CAST: variants seen among roughly 807,000 people sequenced by gnomAD.
CAST encodes the protein calpastatin.
Under a neutral mutation model 119.6 loss-of-function variants are expected in CAST, and 76 were observed. The observed-to-expected ratio is 0.64, with a 90% CI of 0.53 to 0.77. The LOEUF is 0.77. Ranked by LOEUF, CAST falls within the 30% of genes least tolerant of loss-of-function variation. The pLI is 0.00. For synonymous variants in CAST, 319 were observed against 331.6 expected (o/e 0.96, Z 0.41); for missense variants, 953 against 946.5 (o/e 1.01, Z -0.09).
chr5:96,642,175 A>G (rs2150203534), intron 1 of CAST, among the ~76,000 whole-genome samples: 2 of 152,276 alleles, frequency 1.3e-5, no homozygotes, highest in Admixed American at 1.3e-4. Context: ...CAATGATACA[A>G]TTCTTCTCTT....
At chr5:96,468,681 G>T in the CAST span, among the ~76,000 whole-genome samples, 1 of 152,102 alleles carries the variant, frequency 6.6e-6, no homozygotes, top group East Asian at 1.9e-4. Context: ...TAGCTAATTT[G>T]AATATGTAGT....
At chr5:95,981,764 A>G in the CAST span, among the ~76,000 whole-genome samples, 1 of 152,116 alleles carries the variant, frequency 6.6e-6, no homozygotes. Flanking sequence ...AGTCCCAGCT[A>G]CTCAGGAGGC....
intron 1 of CAST, chr5:96,545,248 G>T (rs1280597978): frequency 6.6e-6 from 1 of 152,038 alleles, no homozygotes; most frequent in African/African-American, 2.4e-5. Context: ...ACTCTATCTT[G>T]GTTGGAAGCA....
chr5:96,416,598 C>T, the CAST span, among the ~76,000 whole-genome samples: 730 of 152,256 alleles, frequency 4.8e-3, 9 homozygotes, highest in African/African-American at 0.017. Context: ...CCTTGATCAG[C>T]CTTAGTAGGA....
the CAST span, among the ~76,000 whole-genome samples, chr5:96,119,162 G>A: frequency 9.7e-4 from 147 of 152,232 alleles, no homozygotes; most frequent in African/African-American, 3.3e-3. Context: ...ATTGGAAATA[G>A]ACAAAAGAAG....
At chr5:96,214,861 T>C in the CAST span, 3 of 152,190 alleles carry the variant, frequency 2.0e-5, no homozygotes, top group Admixed American at 1.3e-4. Flanking sequence ...AAAAGTCTTT[T>C]GCTTACATTT....
intron 19 of CAST, 39 bp from the exon 20 acceptor site, chr5:96,750,548 A>T: frequency 7.5e-7 from 1 of 1,339,550 alleles, no homozygotes; most frequent in Non-Finnish European, 1.1e-6. Flanking sequence ...TTAACCAAAT[A>T]TTTCTAAACT....
chr5:96,698,661 C>G (rs1753567677), intron 3 of CAST, among the ~76,000 whole-genome samples: 1 of 152,094 alleles, frequency 6.6e-6, no homozygotes, highest in South Asian at 2.1e-4. Flanking sequence ...TTTAGAAAAG[C>G]TGGGGGTAAT....
At chr5:96,145,753 A>G in the CAST span, among the ~76,000 whole-genome samples, 3 of 152,190 alleles carry the variant, frequency 2.0e-5, no homozygotes, top group African/African-American at 4.8e-5. Context: ...GTTTAAAACA[A>G]TAGCCATTTT....
At chr5:96,520,049 A>G in the CAST span, among the ~76,000 whole-genome samples, 1 of 152,164 alleles carries the variant, frequency 6.6e-6, no homozygotes, top group Non-Finnish European at 1.5e-5. Flanking sequence ...CTCCCATAAT[A>G]TCCTCAACAA....
the CAST span, chr5:96,423,487 A>G: frequency 1.2e-6 from 2 of 1,611,664 alleles, no homozygotes; most frequent in Non-Finnish European, 1.7e-6. Context: ...CGAAGCATTG[A>G]TAAAATTATC....
chr5:95,992,978 A>G, the CAST span, among the ~76,000 whole-genome samples: 5 of 152,220 alleles, frequency 3.3e-5, no homozygotes, highest in Non-Finnish European at 4.4e-5. Flanking sequence ...TGGGAAGTAG[A>G]AAACACACTT....
chr5:96,536,541 G>A (rs900789523), intron 1 of CAST, among the ~76,000 whole-genome samples: 3 of 152,166 alleles, frequency 2.0e-5, no homozygotes, highest in Non-Finnish European at 2.9e-5. Context: ...ATTAATAGGC[G>A]CATAGAAGTA....
In CAST at chr5:96,729,789, G is replaced by C. The variant is rs148315713; in HGVS notation, c.549+64G>C. 25 of 763,912 alleles carry C rather than the reference G, an allele frequency of 3.3e-5. No homozygotes were observed. In the East Asian group the frequency reaches 5.7e-4, roughly 17 times the overall value. 47.3% of individuals were successfully genotyped at this position (763,912 alleles called of 1,614,324 possible). A position where few individuals can be genotyped will look rare whatever the true frequency, so the allele number is the denominator to read the frequency against. On this transcript the variant is annotated intron_variant, in intron 8 of 31. Coordinates refer to ENST00000675179, the MANE Select transcript of CAST (RefSeq NM_001750.7). ...CTGGATAATAAGATACGGTTCCCCT[G>C]TTCACACTGAGGTGTGTAGTTCAAT...
intron 1 of CAST, among the ~76,000 whole-genome samples, chr5:96,535,704 G>C (rs1745798330): frequency 6.6e-6 from 1 of 151,058 alleles, no homozygotes; most frequent in Non-Finnish European, 1.5e-5. Context: ...CTCTCGAGTA[G>C]CTGGGACTAC....
At chr5:96,194,043 A>G in the CAST span, among the ~76,000 whole-genome samples, 1 of 152,196 alleles carries the variant, frequency 6.6e-6, no homozygotes, top group African/African-American at 2.4e-5. Flanking sequence ...GAGAAGAGAA[A>G]GACTAAAAGA....
the CAST span, among the ~76,000 whole-genome samples, chr5:96,192,400 C>T: frequency 1.3e-5 from 2 of 152,054 alleles, no homozygotes. Flanking sequence ...TTAACAATAA[C>T]TTTAATATTT....
the CAST span, among the ~76,000 whole-genome samples, chr5:96,363,080 A>G: frequency 6.8e-6 from 1 of 147,278 alleles, no homozygotes; most frequent in Admixed American, 6.8e-5. Flanking sequence ...AGCACCATTT[A>G]TTAAATGGGG....
chr5:96,767,940 C>T lies in CAST; in HGVS notation c.2209C>T (p.Leu737Phe), dbSNP rs572539750. The change falls in exon 29 of 32, where the codon CTC becomes TTC. Residue 737 changes from leucine (L) to phenylalanine (F), a missense_variant. Coordinates refer to ENST00000675179, the MANE Select transcript of CAST (RefSeq NM_001750.7). ...AGATGACCAAGACCCCATTGATGCTCTCTCAGGAGATCTGGACAGCTGTCC... is the reference window on the plus strand; with the variant it reads ...AGATGACCAAGACCCCATTGATGCTTTCTCAGGAGATCTGGACAGCTGTCC... ...PADDQDPIDA[L>F]SGDLDSCPST... 5 of 1,613,620 alleles carry T rather than the reference C, an allele frequency of 3.1e-6. No individual in the cohort carries two copies. The African/African-American group carries it at 4.0e-5, about 13-fold the overall frequency.
Sources: allele counts gnomAD v4.1 joint callset (sites outside exome capture counted in the v4.1 genomes callset), GRCh38; gene constraint gnomAD v4.1.1; transcripts MANE v1.5; gene names NCBI Gene and HGNC (gene_info 2026-07-23, HGNC 2026-07-21).